The following ZNF208 variants were observed in gnomAD, a reference collection of about 807,000 sequenced individuals.
ZNF208 encodes zinc finger protein 208, also known as zinc finger protein 95.
In ZNF208, 10 loss-of-function variants were observed where a neutral mutation model predicts 12.1. That is an observed-to-expected ratio of 0.83 (90% CI 0.51 to 1.40). The LOEUF (loss-of-function observed/expected upper bound fraction) is 1.40, where lower values mean the gene tolerates loss of function less well. Ranked by LOEUF, ZNF208 falls within the 40% of genes most tolerant of loss-of-function variation. The probability of loss-of-function intolerance (pLI) is 0.00; values close to 1 mark genes in which losing one functional copy is unlikely to be tolerated. For missense variants in ZNF208, 1,652 were observed against 1,485.0 expected (o/e 1.11, Z -1.85); for synonymous variants, 497 against 488.4 (o/e 1.02, Z -0.23).
intron 4 of ZNF208, among the ~76,000 whole-genome samples, chr19:21,950,725 C>T (rs569391203): frequency 2.3e-4 from 35 of 152,056 alleles, no homozygotes; most frequent in Admixed American, 1.6e-3. Context: ...AAACTCCTGA[C>T]CTCAGGTGAT....
In ZNF208 at chr19:21,970,066, C is replaced by T. The variant is rs938620924; in HGVS notation, c.*1125G>A. ...TCTTACCTACAATCAAGTGTGACAG[C>T]CACTTAAAGGCTTTGTCATATTCTT... On this transcript the variant is annotated 3_prime_UTR_variant, in exon 4 of 4. Coordinates refer to ENST00000397126, the MANE Select transcript of ZNF208 (RefSeq NM_007153.3). Among the ~76,000 whole-genome samples the T allele has an allele frequency of 6.6e-6, 1 of 152,128 alleles. No homozygotes were observed. The highest frequency in any genetic ancestry group is 2.4e-5 in the African/African-American group (1 of 41,434).
intron 1 of ZNF208, chr19:21,997,797 T>G (rs980813888): frequency 6.5e-6 from 1 of 152,694 alleles, no homozygotes; most frequent in African/African-American, 2.4e-5. Flanking sequence ...GGTTTTAGCA[T>G]GAGTCCAGAT....
chr19:22,004,578 AAAC>A (rs995356323), intron 1 of ZNF208, among the ~76,000 whole-genome samples: 26 of 152,306 alleles, frequency 1.7e-4, no homozygotes, highest in African/African-American at 5.3e-4. Context: ...GAGTGGCCAT[AAAC>A]AACAACAACA....
intron 3 of ZNF208, among the ~76,000 whole-genome samples, chr19:21,982,510 C>G (rs1158073525): frequency 6.6e-6 from 1 of 151,908 alleles, no homozygotes; most frequent in Non-Finnish European, 1.5e-5. Context: ...AGAAAAAAAA[C>G]CGCTTTAAAT....
chr19:21,966,071 G>A (rs904833349), downstream of ZNF208: 3 of 151,146 alleles, frequency 2.0e-5, no homozygotes, highest in African/African-American at 7.4e-5. Flanking sequence ...TATTAACCCA[G>A]CACTGGAAAA....
At chr19:21,942,135 T>A (rs1227423369) in intron 4 of ZNF208, among the ~76,000 whole-genome samples, 1 of 152,198 alleles carries the variant, frequency 6.6e-6, no homozygotes, top group Non-Finnish European at 1.5e-5. Context: ...ATGATATGAA[T>A]ACAGGCATTC....
At chr19:21,990,013 T>A (rs947838163) in intron 1 of ZNF208, among the ~76,000 whole-genome samples, 8 of 152,114 alleles carry the variant, frequency 5.3e-5, no homozygotes, top group African/African-American at 1.9e-4. Context: ...TTTGCGAAAA[T>A]TTTCTCCTGT....
intron 1 of ZNF208, among the ~76,000 whole-genome samples, chr19:22,000,023 A>T (rs1018527614): frequency 5.3e-5 from 8 of 152,208 alleles, no homozygotes; most frequent in African/African-American, 1.9e-4. Context: ...GAAGAGAGGA[A>T]GGTGTTATAA....
At chr19:22,008,314 A>C (rs1267418555) in intron 1 of ZNF208, among the ~76,000 whole-genome samples, 4 of 151,692 alleles carry the variant, frequency 2.6e-5, no homozygotes, top group African/African-American at 9.7e-5. Context: ...AAAAAAAAAA[A>C]AAGAAAAAAA....
rs563345651 is a variant in ZNF208, at chr19:21,986,221, A to G, written c.226+995T>C. Among the ~76,000 whole-genome samples, 119 of 152,316 alleles carry G rather than the reference A, an allele frequency of 7.8e-4. 1 individual carries two copies. Among genetic ancestry groups the G allele is most frequent in the African/African-American group, 2.7e-3 (114 of 41,562 alleles). On this transcript the variant is annotated intron_variant, in intron 3 of 3. Transcript: ENST00000397126. ...TTAATGTCATTGAAATTGAAGACAA[A>G]TAAGTAAAACATTGCTGTTTGTAAA...
intron 3 of ZNF208, 48 bp from the exon 4 acceptor site, chr19:21,974,855 T>A (rs761667075): frequency 6.8e-7 from 1 of 1,465,038 alleles, no homozygotes; most frequent in South Asian, 1.5e-5. Flanking sequence ...TAGACTCAGA[T>A]AAATACAGTT....
At chr19:21,953,434 G>T (rs1371999358) in intron 4 of ZNF208, among the ~76,000 whole-genome samples, 1 of 152,082 alleles carries the variant, frequency 6.6e-6, no homozygotes, top group Non-Finnish European at 1.5e-5. Flanking sequence ...ACCCCCAAAA[G>T]GAAGTCCATC....
intron 4 of ZNF208, among the ~76,000 whole-genome samples, chr19:21,947,797 G>A (rs916704056): frequency 6.6e-6 from 1 of 152,278 alleles, no homozygotes; most frequent in Non-Finnish European, 1.5e-5. Flanking sequence ...GCCAAAAATG[G>A]TATTAGGGCA....
rs200757199 is a variant in ZNF208, at chr19:21,960,570, GC to G, written c.305+14158del. Among the ~76,000 whole-genome samples the G allele has an allele frequency of 1.6e-3, 244 of 152,294 alleles. 1 individual carries two copies. The highest frequency in any genetic ancestry group is 5.7e-3 in the African/African-American group (237 of 41,580). On this transcript the variant is annotated intron_variant, in intron 4 of 4. Coordinates refer to the ZNF208 transcript ENST00000599916. The stretch of plus-strand genomic sequence containing the variant: ...GGCTCAGCACTCTGTGTCTTAGCAA[GC>G]CTTGCAGGGACTCTGATGTGTGCTG...
intron 4 of ZNF208, among the ~76,000 whole-genome samples, chr19:21,947,574 G>C (rs142128013): frequency 6.6e-6 from 1 of 152,098 alleles, no homozygotes; most frequent in South Asian, 2.1e-4. Flanking sequence ...CACTGATAAG[G>C]CCTCATGCCC....
In ZNF208 at chr19:22,010,739, G is replaced by T. The variant is rs559800218; in HGVS notation, c.3+53C>A. The T allele has an allele frequency of 3.1e-6, 5 of 1,614,124 alleles. No homozygotes were observed. The African/African-American group carries it at 6.7e-5, about 22-fold the overall frequency. ...AGTCCCGCCACAGCCACTTCCCACC[G>T]GTTCCAAGCAGCCCGGGCCACTCTC... On this transcript the variant is annotated intron_variant, in intron 1 of 3. Coordinates refer to ENST00000397126, the MANE Select transcript of ZNF208 (RefSeq NM_007153.3).
chr19:22,000,175 T>A (rs1255106419), intron 1 of ZNF208, among the ~76,000 whole-genome samples: 14 of 152,138 alleles, frequency 9.2e-5, no homozygotes, highest in African/African-American at 3.1e-4. Flanking sequence ...AACAACAATA[T>A]TACGACTTGA....
chr19:21,995,102 C>G (rs1426486807), intron 1 of ZNF208, among the ~76,000 whole-genome samples: 1 of 152,016 alleles, frequency 6.6e-6, no homozygotes, highest in Non-Finnish European at 1.5e-5. Flanking sequence ...CAGGCATGAG[C>G]CACCACACCC....
rs1156850043 is a variant in ZNF208, at chr19:21,970,202, T to C, written c.*989A>G. 6.6e-6 allele frequency among the ~76,000 whole-genome samples: 1 copy of C among 152,202 alleles called. No individual in the cohort carries two copies. The highest frequency in any genetic ancestry group is 2.4e-5 in the African/African-American group (1 of 41,470). On this transcript the variant is annotated 3_prime_UTR_variant, in exon 4 of 4. Transcript: ENST00000397126. ...AGGTTTGTAGAGTCTCTCTTGTGTA[T>C]GAATTAGCTTATGTCTCTTAAGAAT... is the stretch of plus-strand genomic sequence containing the variant.
Sources: gnomAD v4.1 joint callset for allele counts (sites outside exome capture counted in the v4.1 genomes callset) on GRCh38, gnomAD v4.1.1 for gene constraint, MANE v1.5 for transcripts, NCBI Gene and HGNC (gene_info 2026-07-23, HGNC 2026-07-21) for gene names.